SEMA6D: variants seen among roughly 807,000 people sequenced by gnomAD.
SEMA6D encodes the protein semaphorin 6D.
Under a neutral mutation model 106.6 loss-of-function variants are expected in SEMA6D, and 35 were observed. The ratio of observed to expected loss-of-function variants is 0.33; its 90% CI spans 0.25 to 0.44. The LOEUF (loss-of-function observed/expected upper bound fraction) is 0.44, where lower values mean the gene tolerates loss of function less well. Ranked by LOEUF, SEMA6D falls within the 20% of genes least tolerant of loss-of-function variation. The pLI is 1.00. For synonymous variants in SEMA6D, 499 were observed against 487.7 expected, an observed-to-expected ratio of 1.02 and a Z score of -0.31; for missense variants, 1,185 against 1,345.9, an observed-to-expected ratio of 0.88 and a Z score of 1.87.
chr15:47,286,014 G>A lies in SEMA6D; in HGVS notation c.-239+101596G>A, dbSNP rs531410725. 1.1e-4 allele frequency among the ~76,000 whole-genome samples: 17 copies of A among 152,188 alleles called. No individual in the cohort carries two copies. In the South Asian group the frequency reaches 1.5e-3, roughly 13 times the overall value. On this transcript the variant is annotated intron_variant, in intron 1 of 19. Transcript: ENST00000558014. ...AAGAACAACCAAGCTAGGCTTATGC[G>A]CCAGCTTAATCATTCCATCCCATGT...
chr15:47,249,296 T>C (rs1014014369), intron 1 of SEMA6D, among the ~76,000 whole-genome samples: 1 of 152,134 alleles, frequency 6.6e-6, no homozygotes, highest in African/African-American at 2.4e-5. Flanking sequence ...ACCTTATAGT[T>C]GGCATGCATC....
At chr15:47,236,866 A>G (rs2032578485) in intron 1 of SEMA6D, among the ~76,000 whole-genome samples, 1 of 152,162 alleles carries the variant, frequency 6.6e-6, no homozygotes. Context: ...AGTTCAAATC[A>G]CTAATTCTAT....
intron 2 of SEMA6D, among the ~76,000 whole-genome samples, chr15:47,436,109 G>A (rs1002540558): frequency 6.6e-6 from 1 of 152,086 alleles, no homozygotes. Context: ...TTGACTTTGG[G>A]CCGATTGCGG....
intron 1 of SEMA6D, among the ~76,000 whole-genome samples, chr15:47,252,314 T>C (rs2033567963): frequency 6.6e-6 from 1 of 152,216 alleles, no homozygotes; most frequent in Non-Finnish European, 1.5e-5. Flanking sequence ...GTATGATGTT[T>C]CAATACATGT....
intron 4 of SEMA6D, among the ~76,000 whole-genome samples, chr15:47,704,225 A>G (rs921660430): frequency 1.1e-4 from 17 of 152,096 alleles, no homozygotes; most frequent in African/African-American, 3.6e-4. Flanking sequence ...AACTCAAGCA[A>G]TGCTCCCTCC....
At chr15:47,259,221 A>G (rs1178742302) in intron 1 of SEMA6D, among the ~76,000 whole-genome samples, 4 of 152,210 alleles carry the variant, frequency 2.6e-5, no homozygotes, top group African/African-American at 4.8e-5. Flanking sequence ...AGGATAGTCT[A>G]TTGGATGTAC....
At chr15:47,421,671 G>C (rs550384443) in intron 2 of SEMA6D, among the ~76,000 whole-genome samples, 53 of 152,082 alleles carry the variant, frequency 3.5e-4, no homozygotes, top group African/African-American at 1.3e-3. Flanking sequence ...GGTTGGGATG[G>C]GGAGGTATTA....
At chr15:47,267,284 A>G (rs2142190820) in intron 1 of SEMA6D, among the ~76,000 whole-genome samples, 1 of 152,166 alleles carries the variant, frequency 6.6e-6, no homozygotes, top group South Asian at 2.1e-4. Flanking sequence ...CTTGTCATTA[A>G]AGGCTGTTTT....
intron 4 of SEMA6D, among the ~76,000 whole-genome samples, chr15:47,677,315 T>C (rs2078266564): frequency 2.0e-5 from 3 of 152,194 alleles, no homozygotes; most frequent in Admixed American, 6.5e-5. Context: ...TGCCTGTATA[T>C]GGCCTCTCCA....
At chr15:47,252,994 A>G (rs1235915528) in intron 1 of SEMA6D, among the ~76,000 whole-genome samples, 1 of 152,028 alleles carries the variant, frequency 6.6e-6, no homozygotes, top group Non-Finnish European at 1.5e-5. Context: ...TAATGGCTGT[A>G]TTAATCTACA....
chr15:47,338,418 A>C (rs2037662543), intron 1 of SEMA6D, among the ~76,000 whole-genome samples: 1 of 152,116 alleles, frequency 6.6e-6, no homozygotes, highest in African/African-American at 2.4e-5. Flanking sequence ...GAGGGGATGG[A>C]TACTCCATTC....
intron 4 of SEMA6D, among the ~76,000 whole-genome samples, chr15:47,630,997 G>A (rs1051010630): frequency 4.0e-5 from 6 of 151,696 alleles, no homozygotes; most frequent in Non-Finnish European, 8.9e-5. Context: ...GATTTGATTT[G>A]TTAAAATATT....
intron 3 of SEMA6D, among the ~76,000 whole-genome samples, chr15:47,529,069 A>G (rs2044859009): frequency 6.6e-6 from 1 of 152,198 alleles, no homozygotes; most frequent in African/African-American, 2.4e-5. Context: ...GTTGATTAAC[A>G]CACATGTTTA....
chr15:47,627,838 C>A (rs1311521362), intron 4 of SEMA6D, among the ~76,000 whole-genome samples: 2 of 152,052 alleles, frequency 1.3e-5, no homozygotes, highest in Non-Finnish European at 2.9e-5. Context: ...ATAGACATAT[C>A]CAACCCTCCC....
intron 1 of SEMA6D, among the ~76,000 whole-genome samples, chr15:47,220,103 T>A (rs1369442527): frequency 6.6e-6 from 1 of 152,180 alleles, no homozygotes; most frequent in Non-Finnish European, 1.5e-5. Flanking sequence ...CACTATATTC[T>A]GTTGGCCAAA....
Position 47,683,712 on chromosome 15 carries a change from G to A in SEMA6D, c.-54-76033G>A, listed in dbSNP as rs549649186. Among the ~76,000 whole-genome samples, 167 of 152,214 alleles carry A rather than the reference G, an allele frequency of 1.1e-3. 1 individual carries two copies. The highest frequency in any genetic ancestry group is 3.9e-3 in the African/African-American group (160 of 41,516). On this transcript the variant is annotated intron_variant, in intron 4 of 19. Coordinates refer to the SEMA6D transcript ENST00000558014. ...GACATCATATATAACACACACAAAC[G>A]AGTTATTTAAGTATTACTAGTATTG...
intron 4 of SEMA6D, among the ~76,000 whole-genome samples, chr15:47,659,849 C>T (rs192431019): frequency 6.6e-6 from 1 of 152,148 alleles, no homozygotes; most frequent in Admixed American, 6.5e-5. Flanking sequence ...TTTATACCCA[C>T]AAATTAGAAA....
intron 1 of SEMA6D, among the ~76,000 whole-genome samples, chr15:47,357,429 G>A (rs1013844151): frequency 1.3e-5 from 2 of 152,182 alleles, no homozygotes; most frequent in African/African-American, 4.8e-5. Flanking sequence ...GAGCCACCCA[G>A]TAAAAGCAGT....
chr15:47,764,001 T>C lies in SEMA6D; in HGVS notation c.899T>C (p.Ile300Thr). The C allele has an allele frequency of 6.2e-7, 1 of 1,613,932 alleles. No homozygotes were observed. Reference sequence around the variant, plus strand: ...TTCTACTTTGATGTTCTGCAGTCTATTACAGACATAATACAAATCAATGGC... The same window carrying C: ...TTCTACTTTGATGTTCTGCAGTCTACTACAGACATAATACAAATCAATGGC... ...SFFYFDVLQS[I>T]TDIIQINGIP... The change falls in exon 10 of 19, where the codon ATT (isoleucine) becomes ACT (threonine). Residue 300 changes from isoleucine to threonine, a missense_variant. By Grantham distance (89) the Ile-to-Thr change is moderately conservative. Transcript: ENST00000536845.
Sources: allele counts gnomAD v4.1 joint callset (sites outside exome capture counted in the v4.1 genomes callset), GRCh38; gene constraint gnomAD v4.1.1; transcripts MANE v1.5; gene names NCBI Gene and HGNC (gene_info 2026-07-23, HGNC 2026-07-21).